ZNF98: variants seen among roughly 807,000 people sequenced by gnomAD.
ZNF98 encodes the protein zinc finger protein 739.
In ZNF98, 8 loss-of-function variants were observed where a neutral mutation model predicts 12.8. That is an observed-to-expected ratio of 0.63 (90% CI 0.37 to 1.13). The LOEUF (loss-of-function observed/expected upper bound fraction) is 1.13. ZNF98 is among the 50% of genes most tolerant of loss of function. ZNF98 has a pLI of 0.01. For missense variants in ZNF98, 379 were observed against 666.1 expected, an observed-to-expected ratio of 0.57 and a Z score of 4.74; for synonymous variants, 112 against 223.5, an observed-to-expected ratio of 0.50 and a Z score of 4.45.
Position 22,392,856 on chromosome 19 carries a change from T to A in ZNF98, c.379A>T (p.Lys127Ter), listed in dbSNP as rs755422723. Residue 127 changes from lysine to a stop codon, truncating the protein, a stop_gained, in exon 4 of 4, where the codon AAA becomes TAA. Coordinates refer to ENST00000357774, the MANE Select transcript of ZNF98 (RefSeq NM_001098626.2). LOFTEE classifies it low-confidence loss of function (END_TRUNC). The part of the protein sequence containing the change: ...RENLQLRKYC[K>*]SMDECKVHKE... ...TGCACCTTACACTCATCCATGCTTTTACAGTATTTTCTTAACTGTAAATTT... is the reference window on the plus strand; with the variant it reads ...TGCACCTTACACTCATCCATGCTTTAACAGTATTTTCTTAACTGTAAATTT... 13 of 1,610,426 alleles carry A rather than the reference T, an allele frequency of 8.1e-6. 1 individual carries two copies. The South Asian group carries it at 1.2e-4, about 15-fold the overall frequency.
intron 3 of ZNF98, among the ~76,000 whole-genome samples, chr19:22,401,574 A>T (rs1477861127): frequency 2.0e-5 from 3 of 150,746 alleles, no homozygotes; most frequent in Non-Finnish European, 2.9e-5. Context: ...ACCTCTGCCT[A>T]CCAGGTTCAA....
chr19:22,395,437 A>G (rs1464407152), intron 3 of ZNF98, among the ~76,000 whole-genome samples: 5 of 152,082 alleles, frequency 3.3e-5, no homozygotes, highest in Non-Finnish European at 7.4e-5. Context: ...CAAAAATACC[A>G]TATAAACTTC....
rs181072468 is a variant in ZNF98 at position 22,407,940 on chromosome 19, G to A, written c.31-4428C>T. The stretch of plus-strand genomic sequence containing the variant: ...CAAAAAATTAGCCAGGCGTGGTGGT[G>A]CATGCCTATAATCCCAGCTACTAGA... On this transcript the variant is annotated intron_variant, in intron 1 of 3. Transcript: ENST00000357774. 1.6e-3 allele frequency among the ~76,000 whole-genome samples: 235 copies of A among 150,864 alleles called. 3 individuals carry two copies. Among genetic ancestry groups the A allele is most frequent in the African/African-American group, 4.7e-3 (191 of 40,762 alleles).
At chr19:22,407,701 G>A (rs1369101091) in intron 1 of ZNF98, among the ~76,000 whole-genome samples, 1 of 151,364 alleles carries the variant, frequency 6.6e-6, no homozygotes, top group Non-Finnish European at 1.5e-5. Context: ...GACAGAGTGA[G>A]ACTCTGTCTC....
chr19:22,400,276 C>T (rs1969441660), intron 3 of ZNF98, among the ~76,000 whole-genome samples: 1 of 152,158 alleles, frequency 6.6e-6, no homozygotes, highest in Non-Finnish European at 1.5e-5. Context: ...TCAGTTTTAT[C>T]ACCCTGAGCC....
intron 1 of ZNF98, among the ~76,000 whole-genome samples, chr19:22,406,594 G>C (rs1285972445): frequency 6.6e-6 from 1 of 152,152 alleles, no homozygotes; most frequent in Non-Finnish European, 1.5e-5. Context: ...GAGGCGGGCA[G>C]ATCATGAGGT....
At chr19:22,417,516 T>C (rs559480635) in intron 1 of ZNF98, among the ~76,000 whole-genome samples, 3 of 152,082 alleles carry the variant, frequency 2.0e-5, no homozygotes, top group Non-Finnish European at 2.9e-5. Flanking sequence ...AACAGTGCAA[T>C]GCAGGTGGAA....
intron 1 of ZNF98, among the ~76,000 whole-genome samples, chr19:22,409,731 G>A (rs1055082731): frequency 2.0e-5 from 3 of 151,872 alleles, no homozygotes; most frequent in Non-Finnish European, 2.9e-5. Context: ...GGCCAATATG[G>A]TGAGACCCCG....
intron 1 of ZNF98, among the ~76,000 whole-genome samples, chr19:22,419,829 C>T (rs1229464091): frequency 6.6e-6 from 1 of 152,082 alleles, no homozygotes; most frequent in Non-Finnish European, 1.5e-5. Context: ...GAGATATTCA[C>T]TGTCACAAAT....
chr19:22,416,266 C>G (rs758289147), intron 1 of ZNF98, among the ~76,000 whole-genome samples: 1 of 151,146 alleles, frequency 6.6e-6, no homozygotes, highest in Non-Finnish European at 1.5e-5. Flanking sequence ...GTCAGGAGAT[C>G]GAGACCATCT....
At chr19:22,401,273 T>G (rs1459001384) in intron 3 of ZNF98, among the ~76,000 whole-genome samples, 1 of 152,034 alleles carries the variant, frequency 6.6e-6, no homozygotes, top group East Asian at 1.9e-4. Flanking sequence ...AAAATTAACA[T>G]ACAAGTGTAA....
chr19:22,394,225 T>C (rs1188958107), intron 3 of ZNF98, among the ~76,000 whole-genome samples: 1 of 147,086 alleles, frequency 6.8e-6, no homozygotes, highest in African/African-American at 2.5e-5. Context: ...GAAACGCTTT[T>C]ACACTGTTGG....
At chr19:22,393,864 A>G (rs1269472447) in intron 3 of ZNF98, among the ~76,000 whole-genome samples, 1 of 152,226 alleles carries the variant, frequency 6.6e-6, no homozygotes, top group Non-Finnish European at 1.5e-5. Context: ...GAGCTTCTGT[A>G]CAGCTAAAGA....
intron 3 of ZNF98, among the ~76,000 whole-genome samples, chr19:22,401,310 ACTAT>A (rs1049995464): frequency 6.6e-6 from 1 of 152,122 alleles, no homozygotes; most frequent in African/African-American, 2.4e-5. Flanking sequence ...CTTTAAACAA[ACTAT>A]CTGACAAAAG....
rs560405193 is a variant in ZNF98 at position 22,422,297 on chromosome 19, G to C, written c.-73C>G. The stretch of plus-strand genomic sequence containing the variant: ...TGGGCCTCTACGAGCAGAGGACACA[G>C]AAGGGCGAAGACGAGACCAGGAACT... On this transcript the variant is annotated 5_prime_UTR_variant, in exon 1 of 4. Transcript: ENST00000357774. 15 of 1,580,708 alleles carry C rather than the reference G, an allele frequency of 9.5e-6. No individual in the cohort carries two copies. The African/African-American group carries it at 2.0e-4, about 21-fold the overall frequency.
chr19:22,398,193 G>A (rs1401130725), intron 3 of ZNF98, among the ~76,000 whole-genome samples: 1 of 152,066 alleles, frequency 6.6e-6, no homozygotes, highest in Non-Finnish European at 1.5e-5. Flanking sequence ...AATAAAATGA[G>A]CCAGCCACAA....
At chr19:22,413,265 A>G (rs1221317045) in intron 1 of ZNF98, among the ~76,000 whole-genome samples, 1 of 152,038 alleles carries the variant, frequency 6.6e-6, no homozygotes, top group Non-Finnish European at 1.5e-5. Flanking sequence ...AAAAAATAAA[A>G]GGCATACAAA....
At chr19:22,402,564 C>A (rs1220209289) in intron 3 of ZNF98, 16 of 492,402 alleles carry the variant, frequency 3.2e-5, no homozygotes, top group Non-Finnish European at 5.5e-5. Context: ...TCACTGTAAA[C>A]CTGAAGAAGA....
chr19:22,395,716 C>T (rs1160720228), intron 3 of ZNF98, among the ~76,000 whole-genome samples: 3 of 151,896 alleles, frequency 2.0e-5, no homozygotes, highest in African/African-American at 7.3e-5. Flanking sequence ...ACATATTAAG[C>T]ACATTTTCAA....
Sources: allele counts gnomAD v4.1 joint callset (sites outside exome capture counted in the v4.1 genomes callset), GRCh38; gene constraint gnomAD v4.1.1; transcripts MANE v1.5; gene names NCBI Gene and HGNC (gene_info 2026-07-23, HGNC 2026-07-21).